The following GPC5 variants were observed in gnomAD, a reference collection of about 807,000 sequenced individuals.
GPC5 encodes the protein glypican-5.
Under a neutral mutation model 53.9 loss-of-function variants are expected in GPC5, and 47 were observed. The ratio of observed to expected loss-of-function variants is 0.87; its 90% CI spans 0.69 to 1.11. The LOEUF (loss-of-function observed/expected upper bound fraction) is 1.11. GPC5 is among the 50% of genes most tolerant of loss of function. The pLI is 0.00. For synonymous variants in GPC5, 286 were observed against 263.3 expected (o/e 1.09, Z -0.84); for missense variants, 748 against 713.1 (o/e 1.05, Z -0.56).
chr13:92,703,379 T>C (rs1366778075), intron 7 of GPC5, among the ~76,000 whole-genome samples: 1 of 151,484 alleles, frequency 6.6e-6, no homozygotes, highest in African/African-American at 2.4e-5. Context: ...ATACTAGAAA[T>C]TCAGAAATAA....
At chr13:91,592,159 G>A (rs1402974303) in intron 2 of GPC5, among the ~76,000 whole-genome samples, 1 of 152,144 alleles carries the variant, frequency 6.6e-6, no homozygotes, top group African/African-American at 2.4e-5. Context: ...GGGTCTTTAT[G>A]GCTGAACGCT....
chr13:92,737,766 C>CTTTTTTTTTTTTTTT (rs33914729), intron 7 of GPC5, among the ~76,000 whole-genome samples: 1 of 102,132 alleles, frequency 9.8e-6, no homozygotes, highest in African/African-American at 3.8e-5. Flanking sequence ...TTTTCTTTTT[C>CTTTTTTTTTTTTTTT]TTTTTTTTTT....
At chr13:92,404,651 T>C (rs947168805) in intron 7 of GPC5, among the ~76,000 whole-genome samples, 4 of 131,630 alleles carry the variant, frequency 3.0e-5, no homozygotes, top group African/African-American at 1.2e-4. Context: ...TTCTTATTCC[T>C]AATTTACAGA....
intron 7 of GPC5, among the ~76,000 whole-genome samples, chr13:92,637,005 T>A (rs760576327): frequency 1.5e-4 from 23 of 152,262 alleles, no homozygotes; most frequent in Non-Finnish European, 2.8e-4. Flanking sequence ...AACTAATTGA[T>A]AACCAACTCT....
chr13:92,839,697 T>A (rs1878354114), intron 7 of GPC5, among the ~76,000 whole-genome samples: 1 of 151,984 alleles, frequency 6.6e-6, no homozygotes, highest in South Asian at 2.1e-4. Context: ...GATCAATGAA[T>A]CCAGGGGCTG....
At chr13:92,734,986 T>C (rs748440049) in intron 7 of GPC5, among the ~76,000 whole-genome samples, 18 of 151,984 alleles carry the variant, frequency 1.2e-4, no homozygotes, top group African/African-American at 3.6e-4. Context: ...TATTTGAATA[T>C]ACAAAGGGCA....
chr13:92,522,514 A>C (rs1201733988), intron 7 of GPC5, among the ~76,000 whole-genome samples: 1 of 152,188 alleles, frequency 6.6e-6, no homozygotes, highest in Admixed American at 6.6e-5. Flanking sequence ...AAACTATTGC[A>C]AGAACAAAAA....
chr13:91,539,205 T>C (rs1031562146), intron 2 of GPC5, among the ~76,000 whole-genome samples: 1 of 152,188 alleles, frequency 6.6e-6, no homozygotes, highest in Non-Finnish European at 1.5e-5. Flanking sequence ...AAAGCTTTTT[T>C]TTAAAAGCGT....
At chr13:91,744,985 T>C (rs2037016584) in intron 4 of GPC5, among the ~76,000 whole-genome samples, 1 of 152,144 alleles carries the variant, frequency 6.6e-6, no homozygotes, top group Non-Finnish European at 1.5e-5. Context: ...AGGTAGACAC[T>C]GTATCACATC....
At chr13:91,817,588 G>T (rs538304762) in intron 5 of GPC5, among the ~76,000 whole-genome samples, 8 of 152,074 alleles carry the variant, frequency 5.3e-5, no homozygotes, top group Non-Finnish European at 1.5e-5. Context: ...TGTATTTTTT[G>T]GGGAAAAAAA....
At chr13:91,971,256 A>G (rs2040239399) in intron 6 of GPC5, among the ~76,000 whole-genome samples, 1 of 151,918 alleles carries the variant, frequency 6.6e-6, no homozygotes. Flanking sequence ...ATTTGCGTAG[A>G]GGTGTTTGTA....
intron 7 of GPC5, among the ~76,000 whole-genome samples, chr13:92,237,138 T>C (rs185145472): frequency 4.1e-4 from 62 of 152,318 alleles, no homozygotes; most frequent in African/African-American, 1.5e-3. Context: ...TCAGATGTCA[T>C]TGCAAATCAC....
At chr13:92,465,003 T>G (rs1238876756) in intron 7 of GPC5, among the ~76,000 whole-genome samples, 19 of 151,906 alleles carry the variant, frequency 1.3e-4, no homozygotes. Context: ...CAATGACCAG[T>G]AAAGTGATTG....
chr13:91,814,472 A>T (rs2038367764), intron 5 of GPC5, among the ~76,000 whole-genome samples: 1 of 152,152 alleles, frequency 6.6e-6, no homozygotes, highest in African/African-American at 2.4e-5. Context: ...ATTAAAATTC[A>T]TTTGCAAGTT....
At chr13:92,009,285 T>TGTG (rs1594721385) in intron 6 of GPC5, among the ~76,000 whole-genome samples, 2 of 150,918 alleles carry the variant, frequency 1.3e-5, no homozygotes, top group Non-Finnish European at 3.0e-5. Context: ...TGTGTGTGTG[T>TGTG]TTCAATATGG....
At chr13:92,591,510 A>G (rs557970744) in intron 7 of GPC5, among the ~76,000 whole-genome samples, 20 of 152,318 alleles carry the variant, frequency 1.3e-4, no homozygotes, top group African/African-American at 4.6e-4. Flanking sequence ...GTACAACATA[A>G]TATTTGAAGT....
intron 7 of GPC5, among the ~76,000 whole-genome samples, chr13:92,822,646 G>A (rs2031585): frequency 0.28 from 42,307 of 151,892 alleles, 8,468 homozygotes; most frequent in African/African-American, 0.56. Context: ...ACATAAAATG[G>A]GAGTTAAAGC....
At position 92,543,962 on chromosome 13, in the gene GPC5, C is replaced by T. The variant is rs533676781; in HGVS notation, c.1562-322320C>T. On this transcript the variant is annotated intron_variant, in intron 7 of 7. Transcript: ENST00000377067. ...AATGTTATGTTATTGGGCTATATTG[C>T]TTTGTTTTGCTTGTTGTTTTTTTTT... Among the ~76,000 whole-genome samples, 265 of 151,694 alleles carry T rather than the reference C, an allele frequency of 1.7e-3. 1 individual carries two copies. The highest frequency in any genetic ancestry group is 3.5e-3 in the Non-Finnish European group (236 of 67,906).
At chr13:91,589,536 T>A (rs2032721411) in intron 2 of GPC5, among the ~76,000 whole-genome samples, 1 of 152,138 alleles carries the variant, frequency 6.6e-6, no homozygotes, top group Non-Finnish European at 1.5e-5. Context: ...TGACTCTCAC[T>A]ACTTCAGGTG....
Sources: allele counts gnomAD v4.1 joint callset (sites outside exome capture counted in the v4.1 genomes callset), GRCh38; gene constraint gnomAD v4.1.1; transcripts MANE v1.5; gene names NCBI Gene and HGNC (gene_info 2026-07-23, HGNC 2026-07-21).